Variants in PIP5K1B observed in about 807,000 individuals in gnomAD.
PIP5K1B encodes phosphatidylinositol-4-phosphate 5-kinase type 1 beta.
PIP5K1B carries 42 observed loss-of-function variants against 67.0 expected under a neutral mutation model. That is an observed-to-expected ratio of 0.63 (90% CI 0.49 to 0.81). PIP5K1B has a LOEUF of 0.81. PIP5K1B is among the 30% of genes least tolerant of loss of function. PIP5K1B has a pLI of 0.00. For missense variants in PIP5K1B, 459 were observed against 646.3 expected (o/e 0.71, Z 3.14); for synonymous variants, 214 against 231.4 (o/e 0.92, Z 0.68).
At chr9:68,931,725 G>C (rs1046178535) in intron 12 of PIP5K1B, among the ~76,000 whole-genome samples, 1 of 152,220 alleles carries the variant, frequency 6.6e-6, no homozygotes, top group African/African-American at 2.4e-5. Flanking sequence ...TGGCAGAAGG[G>C]TGAGCTGAAA....
chr9:68,730,346 C>T (rs1241928760), intron 1 of PIP5K1B, among the ~76,000 whole-genome samples: 1 of 152,072 alleles, frequency 6.6e-6, no homozygotes, highest in African/African-American at 2.4e-5. Flanking sequence ...TACGAACAGC[C>T]AGGAAATGGG....
At chr9:68,946,404 G>GTT (rs371751456) in intron 14 of PIP5K1B, among the ~76,000 whole-genome samples, 1,660 of 147,598 alleles carry the variant, frequency 0.011, 22 homozygotes, top group East Asian at 0.021. Context: ...TTTGTTTTTT[G>GTT]TTTTTTTTTT....
At chr9:68,965,174 C>T (rs1424018206) in intron 14 of PIP5K1B, among the ~76,000 whole-genome samples, 2 of 152,080 alleles carry the variant, frequency 1.3e-5, no homozygotes, top group East Asian at 1.9e-4. Context: ...CAAATAATAT[C>T]GACTTCACAA....
chr9:68,994,615 G>T lies in PIP5K1B; in HGVS notation c.1620+3358G>T, dbSNP rs77093587. ...CATGAAAGGGAATGAGAATAAAAAG[G>T]CAAACAACATCTTTGTATTATTAGG... is the stretch of plus-strand genomic sequence containing the variant. On this transcript the variant is annotated intron_variant, in intron 15 of 15. Transcript: ENST00000265382. Among the ~76,000 whole-genome samples the T allele has an allele frequency of 3.9e-3, 593 of 152,172 alleles. 31 individuals carry two copies. In the East Asian group the frequency reaches 0.11, roughly 28 times the overall value.
intron 1 of PIP5K1B, among the ~76,000 whole-genome samples, chr9:68,715,650 T>C (rs758321360): frequency 6.6e-6 from 1 of 152,086 alleles, no homozygotes; most frequent in Non-Finnish European, 1.5e-5. Flanking sequence ...TCAGGGCCCA[T>C]TGCATCCCCA....
At chr9:68,933,471 C>G (rs562173895) in intron 12 of PIP5K1B, among the ~76,000 whole-genome samples, 45 of 152,030 alleles carry the variant, frequency 3.0e-4, no homozygotes, top group South Asian at 8.3e-4. Flanking sequence ...AAAACAAATT[C>G]AAGGTTTATC....
At chr9:68,774,725 A>G (rs896244720) in intron 2 of PIP5K1B, among the ~76,000 whole-genome samples, 8 of 152,152 alleles carry the variant, frequency 5.3e-5, no homozygotes, top group Admixed American at 1.3e-4. Flanking sequence ...CCCCCAGTGG[A>G]TGCCTGAAAC....
intron 14 of PIP5K1B, among the ~76,000 whole-genome samples, chr9:68,961,274 CA>C (rs1828733401): frequency 6.6e-6 from 1 of 150,774 alleles, no homozygotes; most frequent in Non-Finnish European, 1.5e-5. Flanking sequence ...AGTAAGTTAG[CA>C]GTTACCTAGT....
At chr9:68,811,713 A>G (rs954075039) in intron 2 of PIP5K1B, among the ~76,000 whole-genome samples, 3 of 152,214 alleles carry the variant, frequency 2.0e-5, no homozygotes, top group African/African-American at 7.2e-5. Flanking sequence ...TCTCTTGCTT[A>G]GCTTTTCAGT....
At chr9:68,781,516 A>T (rs1351876301) in intron 2 of PIP5K1B, 1 of 167,728 alleles carries the variant, frequency 6.0e-6, no homozygotes, top group Admixed American at 6.5e-5. Context: ...AGTTATATCT[A>T]TCTAGTGGTT....
intron 1 of PIP5K1B, among the ~76,000 whole-genome samples, chr9:68,741,919 G>A (rs1829030735): frequency 6.6e-6 from 1 of 152,154 alleles, no homozygotes; most frequent in African/African-American, 2.4e-5. Flanking sequence ...AGGTTATCAT[G>A]GCCCTACTCA....
intron 2 of PIP5K1B, among the ~76,000 whole-genome samples, chr9:68,751,702 T>C (rs1263688237): frequency 6.6e-6 from 1 of 152,168 alleles, no homozygotes. Flanking sequence ...GCTGAGTGAA[T>C]TGAGAAATTC....
At chr9:68,894,797 T>C (rs1399076443) in intron 8 of PIP5K1B, among the ~76,000 whole-genome samples, 159 bp downstream of exon 8, 3 of 152,200 alleles carry the variant, frequency 2.0e-5, no homozygotes, top group Non-Finnish European at 4.4e-5. Flanking sequence ...TTCCCTGATA[T>C]TGAAGGAATT....
chr9:68,771,262 C>A (rs972033214), intron 2 of PIP5K1B, among the ~76,000 whole-genome samples: 4 of 152,154 alleles, frequency 2.6e-5, no homozygotes, highest in African/African-American at 9.7e-5. Flanking sequence ...TGCTTTGGGA[C>A]AAATAGGGCA....
intron 4 of PIP5K1B, among the ~76,000 whole-genome samples, chr9:68,825,822 T>G (rs544357315): frequency 7.9e-5 from 12 of 152,336 alleles, no homozygotes; most frequent in African/African-American, 2.9e-4. Context: ...TTGTTAGAAT[T>G]AAGCAGCAGG....
chr9:68,803,575 C>T (rs1002669657), intron 2 of PIP5K1B, among the ~76,000 whole-genome samples: 9 of 152,224 alleles, frequency 5.9e-5, no homozygotes, highest in East Asian at 3.8e-4. Context: ...GTTCATCATC[C>T]GTGGAAGAAA....
chr9:68,757,518 TTCTC>T (rs1290226903), intron 2 of PIP5K1B, among the ~76,000 whole-genome samples: 1 of 152,130 alleles, frequency 6.6e-6, no homozygotes, highest in Non-Finnish European at 1.5e-5. Flanking sequence ...TCCTACCTCT[TTCTC>T]TCTGAAAGAG....
chr9:68,734,059 C>G (rs951860557), intron 1 of PIP5K1B, among the ~76,000 whole-genome samples: 5 of 152,116 alleles, frequency 3.3e-5, no homozygotes, highest in Admixed American at 3.3e-4. Flanking sequence ...TCCATGCAAC[C>G]CCACGAAAGT....
chr9:68,835,902 A>G (rs1299629063), intron 4 of PIP5K1B, among the ~76,000 whole-genome samples: 3 of 144,232 alleles, frequency 2.1e-5, no homozygotes, highest in Non-Finnish European at 4.5e-5. Context: ...TTGTAGCTTT[A>G]CCATCTCTCA....
Sources: gnomAD v4.1 joint callset for allele counts (sites outside exome capture counted in the v4.1 genomes callset) on GRCh38, gnomAD v4.1.1 for gene constraint, MANE v1.5 for transcripts, NCBI Gene and HGNC (gene_info 2026-07-23, HGNC 2026-07-21) for gene names.